Variants in KCNK2 observed in about 807,000 individuals in gnomAD.
KCNK2 encodes the protein potassium two pore domain channel subfamily K member 2, also known as potassium channel subfamily K member 2.
A neutral mutation model predicts 40.5 loss-of-function variants in KCNK2; 21 were observed. The ratio of observed to expected loss-of-function variants is 0.52; its 90% CI spans 0.37 to 0.75. KCNK2 has a LOEUF of 0.75. KCNK2 is among the 30% of genes least tolerant of loss of function. The probability of loss-of-function intolerance (pLI) is 0.00; values close to 1 mark genes in which losing one functional copy is unlikely to be tolerated. For synonymous variants in KCNK2, 191 were observed against 202.2 expected, an observed-to-expected ratio of 0.94 and a Z score of 0.47; for missense variants, 399 against 531.6, an observed-to-expected ratio of 0.75 and a Z score of 2.45.
At chr1:215,209,391 AT>A (rs1665486560) in intron 6 of KCNK2, among the ~76,000 whole-genome samples, 1 of 66,582 alleles carries the variant, frequency 1.5e-5, no homozygotes, top group African/African-American at 5.9e-5. Flanking sequence ...AAATATATAT[AT>A]TATATATAAA....
intron 1 of KCNK2, among the ~76,000 whole-genome samples, chr1:215,046,885 G>A (rs1328439400): frequency 6.6e-6 from 1 of 152,046 alleles, no homozygotes; most frequent in Non-Finnish European, 1.5e-5. Context: ...TAAGCTTGTT[G>A]TAAAAAGAGA....
intron 1 of KCNK2, among the ~76,000 whole-genome samples, chr1:215,036,131 G>A (rs1047314881): frequency 9.3e-6 from 1 of 107,204 alleles, no homozygotes; most frequent in Non-Finnish European, 2.2e-5. Context: ...ATGCTCTCAT[G>A]TGTTTTTTTT....
At chr1:215,084,258 A>C (rs1229884934) in intron 1 of KCNK2, among the ~76,000 whole-genome samples, 1 of 151,558 alleles carries the variant, frequency 6.6e-6, no homozygotes, top group African/African-American at 2.4e-5. Flanking sequence ...AAAGCATATA[A>C]TGGCCATGTG....
At chr1:215,168,948 C>T (rs988865278) in intron 3 of KCNK2, among the ~76,000 whole-genome samples, 1 of 151,878 alleles carries the variant, frequency 6.6e-6, no homozygotes, top group African/African-American at 2.4e-5. Flanking sequence ...TTGCATGTGT[C>T]GTCACCTCAG....
At chr1:215,022,106 C>CCTATCTATCTATCTATCTATCTAT (rs11273303) in intron 1 of KCNK2, among the ~76,000 whole-genome samples, 11,927 of 109,196 alleles carry the variant, frequency 0.11, 532 homozygotes, top group Middle Eastern at 0.14. Context: ...TAAATCCCCT[C>CCTATCTATCTATCTATCTATCTAT]CTATCTATCT....
intron 6 of KCNK2, among the ~76,000 whole-genome samples, chr1:215,224,345 G>A (rs1202558477): frequency 6.6e-6 from 1 of 152,114 alleles, no homozygotes; most frequent in Non-Finnish European, 1.5e-5. Context: ...TCTATCAAAA[G>A]TCATGGTAGG....
chr1:215,044,986 C>T (rs538334347), intron 1 of KCNK2, among the ~76,000 whole-genome samples: 4 of 147,658 alleles, frequency 2.7e-5, no homozygotes, highest in East Asian at 2.0e-4. Context: ...CTGGCTAACA[C>T]GGTGAAACCG....
intron 3 of KCNK2, among the ~76,000 whole-genome samples, chr1:215,136,686 G>A (rs370710627): frequency 3.9e-5 from 6 of 152,096 alleles, no homozygotes; most frequent in Non-Finnish European, 8.8e-5. Flanking sequence ...CATGATCCCT[G>A]TGGCTTAGGG....
At chr1:215,178,288 G>C (rs1351803811) in intron 5 of KCNK2, among the ~76,000 whole-genome samples, 1 of 152,102 alleles carries the variant, frequency 6.6e-6, no homozygotes, top group Non-Finnish European at 1.5e-5. Context: ...TAAGTATAGA[G>C]TCATATTGTT....
intron 6 of KCNK2, among the ~76,000 whole-genome samples, chr1:215,198,195 C>G (rs767601759): frequency 1.1e-4 from 16 of 152,026 alleles, no homozygotes; most frequent in Non-Finnish European, 2.1e-4. Context: ...ACCTAATATT[C>G]TGGGTAGCAT....
intron 6 of KCNK2, among the ~76,000 whole-genome samples, chr1:215,226,907 T>C (rs544467127): frequency 1.3e-5 from 2 of 152,264 alleles, no homozygotes; most frequent in Admixed American, 6.5e-5. Context: ...TGAGGAAACA[T>C]ATTTTGGACC....
At chr1:215,062,293 GCAGT>G (rs1658388024) in intron 1 of KCNK2, among the ~76,000 whole-genome samples, 1 of 152,054 alleles carries the variant, frequency 6.6e-6, no homozygotes, top group African/African-American at 2.4e-5. Flanking sequence ...GCAAACAAAG[GCAGT>G]CAGTACTGGT....
At chr1:215,051,058 C>G (rs1049432394) in intron 1 of KCNK2, among the ~76,000 whole-genome samples, 1 of 152,122 alleles carries the variant, frequency 6.6e-6, no homozygotes, top group African/African-American at 2.4e-5. Context: ...GCCTTAATAA[C>G]CTTTTGAAAG....
At chr1:215,131,157 G>C (rs193041594) in intron 3 of KCNK2, among the ~76,000 whole-genome samples, 26 of 151,768 alleles carry the variant, frequency 1.7e-4, no homozygotes, top group African/African-American at 5.8e-4. Context: ...ACCGCGCCCA[G>C]CAAGTTTTTT....
At chr1:215,207,474 G>A (rs1665364393) in intron 6 of KCNK2, among the ~76,000 whole-genome samples, 1 of 152,206 alleles carries the variant, frequency 6.6e-6, no homozygotes, top group Non-Finnish European at 1.5e-5. Flanking sequence ...GGGGACTGCT[G>A]TTTTAAATGA....
At chr1:215,227,596 T>C (rs527832736) in intron 6 of KCNK2, among the ~76,000 whole-genome samples, 18 of 152,310 alleles carry the variant, frequency 1.2e-4, no homozygotes, top group African/African-American at 4.3e-4. Flanking sequence ...CAATTGGTTT[T>C]ATGCAGGGGA....
At chr1:215,113,528 G>A (rs372968100) in intron 2 of KCNK2, among the ~76,000 whole-genome samples, 4 of 152,242 alleles carry the variant, frequency 2.6e-5, no homozygotes, top group African/African-American at 7.2e-5. Flanking sequence ...AAGCCCCTCC[G>A]GTCTTGCACT....
chr1:215,053,013 G>C (rs1658039760), intron 1 of KCNK2, among the ~76,000 whole-genome samples: 1 of 152,124 alleles, frequency 6.6e-6, no homozygotes, highest in African/African-American at 2.4e-5. Flanking sequence ...TTTCTCCAAA[G>C]TCAGAGGATG....
chr1:215,151,256 T>C lies in KCNK2; in HGVS notation c.476-17943T>C, dbSNP rs1349667308. Among the ~76,000 whole-genome samples the C allele has an allele frequency of 2.6e-5, 4 of 152,234 alleles. No individual in the cohort carries two copies. In the East Asian group the frequency reaches 5.8e-4, roughly 22 times the overall value. ...TGTTATTATTGAACAAAACACAATA[T>C]AGACAGTTGAAGGCCCTTCCAATCT... On this transcript the variant is annotated intron_variant, in intron 3 of 6. Transcript: ENST00000444842.
Sources: gnomAD v4.1 joint callset for allele counts (sites outside exome capture counted in the v4.1 genomes callset) on GRCh38, gnomAD v4.1.1 for gene constraint, MANE v1.5 for transcripts, NCBI Gene and HGNC (gene_info 2026-07-23, HGNC 2026-07-21) for gene names.